The following RCAN2 variants were observed in gnomAD, a reference collection of about 807,000 sequenced individuals.
RCAN2 encodes the protein calcipressin-2.
In RCAN2, 9 loss-of-function variants were observed where a neutral mutation model predicts 23.6. That is an observed-to-expected ratio of 0.38 (90% CI 0.23 to 0.67). The LOEUF (loss-of-function observed/expected upper bound fraction) is 0.67. Ranked by LOEUF, RCAN2 falls within the 30% of genes least tolerant of loss-of-function variation. The pLI, the probability that RCAN2 is intolerant of heterozygous loss-of-function variation, is 0.51. For missense variants in RCAN2, 273 were observed against 302.3 expected, an observed-to-expected ratio of 0.90 and a Z score of 0.72; for synonymous variants, 109 against 115.7, an observed-to-expected ratio of 0.94 and a Z score of 0.37.
At chr6:46,429,153 T>TA (rs1767116556) in intron 2 of RCAN2, among the ~76,000 whole-genome samples, 1 of 152,102 alleles carries the variant, frequency 6.6e-6, no homozygotes, top group Admixed American at 6.5e-5. Context: ...GAAATGCACC[T>TA]AAAGTATAGA....
chr6:46,421,896 A>G (rs1303004099), intron 2 of RCAN2, among the ~76,000 whole-genome samples: 2 of 152,228 alleles, frequency 1.3e-5, no homozygotes, highest in African/African-American at 2.4e-5. Flanking sequence ...TAAATATCAA[A>G]ACATAAACAT....
At chr6:46,393,042 TG>T (rs988080938) in intron 2 of RCAN2, among the ~76,000 whole-genome samples, 3 of 152,232 alleles carry the variant, frequency 2.0e-5, no homozygotes, top group Non-Finnish European at 4.4e-5. Flanking sequence ...TTGGGTTAAG[TG>T]AATTTGGTTA....
chr6:46,292,056 AC>A (rs1253244910), intron 2 of RCAN2, among the ~76,000 whole-genome samples: 1 of 152,180 alleles, frequency 6.6e-6, no homozygotes, highest in Non-Finnish European at 1.5e-5. Context: ...AAATGCAGAT[AC>A]CCCTTGAAAT....
chr6:46,378,711 C>T (rs1229005596), intron 2 of RCAN2, among the ~76,000 whole-genome samples: 1 of 152,192 alleles, frequency 6.6e-6, no homozygotes, highest in Non-Finnish European at 1.5e-5. Context: ...AGTATGCAAA[C>T]TGATGCTGCT....
At chr6:46,349,399 C>T (rs1301114373) in intron 2 of RCAN2, among the ~76,000 whole-genome samples, 1 of 151,928 alleles carries the variant, frequency 6.6e-6, no homozygotes, top group Non-Finnish European at 1.5e-5. Flanking sequence ...CACACAATGG[C>T]CTGTTGCAGG....
chr6:46,222,073 A>G lies in RCAN2; in HGVS notation c.*1068T>C. On this transcript the variant is annotated 3_prime_UTR_variant, in exon 5 of 5. Coordinates refer to ENST00000371374, the MANE Select transcript of RCAN2 (RefSeq NM_001251974.2). ...ACACTTGCATCTTTATTTAAAAACA[A>G]GTGGTCTTGATAGCAAAGATGTTGG... is the stretch of plus-strand genomic sequence containing the variant. 1 of 398,320 alleles carries G rather than the reference A, an allele frequency of 2.5e-6. No homozygotes were observed. Among genetic ancestry groups the G allele is most frequent in the Non-Finnish European group, 4.4e-6 (1 of 225,716 alleles). The allele number at this position is 398,320 out of a possible 1,614,324, so 24.7% of individuals were successfully genotyped here. A position where few individuals can be genotyped will look rare whatever the true frequency, so the allele number is the denominator to read the frequency against.
intron 1 of RCAN2, among the ~76,000 whole-genome samples, chr6:46,480,615 T>C (rs1192346761): frequency 1.3e-5 from 2 of 148,290 alleles, no homozygotes; most frequent in Admixed American, 1.4e-4. Flanking sequence ...GACAAACTTA[T>C]CATGTAGAGT....
At position 46,220,997 on chromosome 6, in the gene RCAN2, C is replaced by T. The variant is rs1049545753; in HGVS notation, c.*2144G>A. ...CTAGGAAAAGCCCCTCTTTTCCCCC[C>T]TCCCCAAACCCAACCTAGTGAAAGA... On this transcript the variant is annotated 3_prime_UTR_variant, in exon 5 of 5. Coordinates refer to ENST00000371374, the MANE Select transcript of RCAN2 (RefSeq NM_001251974.2). 6.6e-6 allele frequency: 1 copy of T among 152,524 alleles called. No homozygotes were observed. The highest frequency in any genetic ancestry group is 1.5e-5 in the Non-Finnish European group (1 of 68,022). The allele number at this position is 152,524 out of a possible 1,614,324, so 9.4% of individuals were successfully genotyped here. A position where few individuals can be genotyped will look rare whatever the true frequency, so the allele number is the denominator to read the frequency against.
intron 2 of RCAN2, among the ~76,000 whole-genome samples, chr6:46,309,022 C>T (rs1320896291): frequency 1.3e-5 from 2 of 152,138 alleles, no homozygotes; most frequent in Non-Finnish European, 1.5e-5. Flanking sequence ...AACAGGAAGA[C>T]CTGGAGAGCT....
At chr6:46,267,047 A>C (rs1022471061) in intron 2 of RCAN2, among the ~76,000 whole-genome samples, 3 of 152,248 alleles carry the variant, frequency 2.0e-5, no homozygotes, top group Admixed American at 2.0e-4. Context: ...GTCTAGGATA[A>C]GTTTTTTCAA....
intron 2 of RCAN2, among the ~76,000 whole-genome samples, chr6:46,448,860 A>G (rs145101101): frequency 6.6e-6 from 1 of 151,990 alleles, no homozygotes; most frequent in African/African-American, 2.4e-5. Context: ...TAACAAACTC[A>G]CAGCTGACAG....
At chr6:46,418,695 GTATATATATA>G (rs70996369) in intron 2 of RCAN2, among the ~76,000 whole-genome samples, 79 of 121,350 alleles carry the variant, frequency 6.5e-4, no homozygotes, top group South Asian at 2.6e-3. Flanking sequence ...ATGTGTGTGT[GTATATATATA>G]TATATATATA....
chr6:46,440,366 T>A lies in RCAN2; in HGVS notation c.225+16386A>T, dbSNP rs546066075. The stretch of plus-strand genomic sequence containing the variant: ...CTTTTCCTTGGAGATGTTTAAAAAC[T>A]ATTTTTCTAAACCATATGAGTCACG... On this transcript the variant is annotated intron_variant, in intron 2 of 4. Coordinates refer to ENST00000371374, the MANE Select transcript of RCAN2 (RefSeq NM_001251974.2). Among the ~76,000 whole-genome samples the A allele has an allele frequency of 9.2e-5, 14 of 152,174 alleles. No homozygotes were observed. The East Asian group carries it at 2.5e-3, about 27-fold the overall frequency.
intron 2 of RCAN2, among the ~76,000 whole-genome samples, chr6:46,366,005 G>A (rs892336784): frequency 1.3e-5 from 2 of 152,176 alleles, no homozygotes. Flanking sequence ...GAGGAAATGA[G>A]GTGCAGGGAG....
chr6:46,242,417 G>A (rs562942302), intron 4 of RCAN2, among the ~76,000 whole-genome samples: 38 of 152,272 alleles, frequency 2.5e-4, no homozygotes, highest in Admixed American at 1.7e-3. Context: ...GACTTAGCCC[G>A]AGTCCCATCT....
intron 2 of RCAN2, among the ~76,000 whole-genome samples, chr6:46,382,024 A>C (rs1765627064): frequency 6.6e-6 from 1 of 152,154 alleles, no homozygotes; most frequent in Non-Finnish European, 1.5e-5. Context: ...CCTAAGCAAC[A>C]TAATGCACCC....
At chr6:46,299,557 T>G (rs770661542) in intron 2 of RCAN2, among the ~76,000 whole-genome samples, 1 of 152,014 alleles carries the variant, frequency 6.6e-6, no homozygotes, top group Non-Finnish European at 1.5e-5. Flanking sequence ...ACATGAAAAC[T>G]TGAGCTACTA....
intron 2 of RCAN2, among the ~76,000 whole-genome samples, chr6:46,267,030 AAAAC>A (rs1296985211): frequency 6.6e-6 from 1 of 152,226 alleles, no homozygotes; most frequent in African/African-American, 2.4e-5. Flanking sequence ...AACAAACAAA[AAAAC>A]AGGTCTAGGA....
In RCAN2 at chr6:46,221,964, G is replaced by A. The variant is rs938634270; in HGVS notation, c.*1177C>T. The A allele has an allele frequency of 1.3e-5, 5 of 398,432 alleles. No homozygotes were observed. The highest frequency in any genetic ancestry group is 2.2e-5 in the Non-Finnish European group (5 of 226,028). 24.7% of individuals were successfully genotyped at this position (398,432 alleles called of 1,614,324 possible). A position where few individuals can be genotyped will look rare whatever the true frequency, so the allele number is the denominator to read the frequency against. ...TCGCGTGAGTAGGACCGGCATACAT[G>A]TAGCTATCATCCTTCCCCATTTTAA... On this transcript the variant is annotated 3_prime_UTR_variant, in exon 5 of 5. Transcript: ENST00000371374.
Sources: gnomAD v4.1 joint callset for allele counts (sites outside exome capture counted in the v4.1 genomes callset) on GRCh38, gnomAD v4.1.1 for gene constraint, MANE v1.5 for transcripts, NCBI Gene and HGNC (gene_info 2026-07-23, HGNC 2026-07-21) for gene names.